Variants in ENOX1 observed in about 807,000 individuals in gnomAD.
ENOX1 encodes ecto-NOX disulfide-thiol exchanger 1.
In ENOX1, 42 loss-of-function variants were observed where a neutral mutation model predicts 82.5. That is an observed-to-expected ratio of 0.51 (90% CI 0.40 to 0.66). The LOEUF is 0.66. Among genes scored for constraint, ENOX1 ranks in the 30% least tolerant of loss-of-function variants. ENOX1 has a pLI of 0.00. For missense variants in ENOX1, 608 were observed against 811.6 expected (o/e 0.75, Z 3.05); for synonymous variants, 271 against 282.2 (o/e 0.96, Z 0.40).
chr13:43,408,326 G>A (rs2053919571), intron 5 of ENOX1, among the ~76,000 whole-genome samples: 1 of 152,200 alleles, frequency 6.6e-6, no homozygotes, highest in Non-Finnish European at 1.5e-5. Context: ...GAAGCAGTGA[G>A]GAAAGGGATT....
intron 16 of ENOX1, among the ~76,000 whole-genome samples, chr13:43,219,592 A>G (rs2041677386): frequency 6.6e-6 from 1 of 152,252 alleles, no homozygotes; most frequent in African/African-American, 2.4e-5. Context: ...AATACAAAAA[A>G]GAAAGAAAGC....
rs577198595 is a variant in ENOX1, at chr13:43,423,354, T to C, written c.-74-10366A>G. Reference sequence around the variant, plus strand: ...TTATTCAAGAAAGCAATATTATCAGTAAACATAAGCCTGGATCCATTAAAG... The same window carrying C: ...TTATTCAAGAAAGCAATATTATCAGCAAACATAAGCCTGGATCCATTAAAG... On this transcript the variant is annotated intron_variant, in intron 3 of 16. Coordinates refer to ENST00000690772, the MANE Select transcript of ENOX1 (RefSeq NM_001347969.2). Among the ~76,000 whole-genome samples, 33 of 152,292 alleles carry C rather than the reference T, an allele frequency of 2.2e-4. No individual in the cohort carries two copies. The South Asian group carries it at 5.2e-3, about 24-fold the overall frequency.
In ENOX1 at chr13:43,589,894, T is replaced by C. The variant is rs530410519; in HGVS notation, c.-219+77585A>G. 1.6e-4 allele frequency among the ~76,000 whole-genome samples: 16 copies of C among 97,038 alleles called. No individual in the cohort carries two copies. In the South Asian group the frequency reaches 4.6e-3, roughly 28 times the overall value. 63.7% of individuals were successfully genotyped at this position (97,038 alleles called of 152,430 possible). A position where few individuals can be genotyped will look rare whatever the true frequency, so the allele number is the denominator to read the frequency against. ...CAATGAAGCACAGGCAAGTCTATTC[T>C]GCAAAAAAAAAAAAAAAAAAAATCC... On this transcript the variant is annotated intron_variant, in intron 2 of 16. Coordinates refer to ENST00000690772, the MANE Select transcript of ENOX1 (RefSeq NM_001347969.2).
At chr13:43,329,959 C>G (rs1283114542) in intron 9 of ENOX1, among the ~76,000 whole-genome samples, 2 of 152,164 alleles carry the variant, frequency 1.3e-5, no homozygotes, top group Non-Finnish European at 2.9e-5. Flanking sequence ...AGGGAAAAAG[C>G]ACCTCTAAGA....
intron 1 of ENOX1, among the ~76,000 whole-genome samples, chr13:43,737,375 A>G (rs1258121476): frequency 6.6e-6 from 1 of 152,180 alleles, no homozygotes; most frequent in Non-Finnish European, 1.5e-5. Context: ...CCTCAAGCAA[A>G]TGTTGCTCTG....
At chr13:43,450,896 AAAC>A (rs2056931082) in intron 3 of ENOX1, among the ~76,000 whole-genome samples, 1 of 152,190 alleles carries the variant, frequency 6.6e-6, no homozygotes, top group African/African-American at 2.4e-5. Context: ...AAATTTTTAA[AAAC>A]AACAACATAA....
intron 2 of ENOX1, among the ~76,000 whole-genome samples, chr13:43,539,651 C>T (rs984716664): frequency 6.6e-6 from 1 of 152,012 alleles, no homozygotes; most frequent in Non-Finnish European, 1.5e-5. Context: ...TGATTTTCTG[C>T]ACTTGTGTAT....
chr13:43,627,200 A>C (rs2083001451), intron 2 of ENOX1, among the ~76,000 whole-genome samples: 1 of 151,972 alleles, frequency 6.6e-6, no homozygotes, highest in Non-Finnish European at 1.5e-5. Flanking sequence ...TGTAGATAGC[A>C]TACAGTTGGT....
intron 2 of ENOX1, among the ~76,000 whole-genome samples, chr13:43,656,515 C>T (rs755054287): frequency 4.0e-4 from 61 of 152,136 alleles, no homozygotes; most frequent in African/African-American, 7.2e-5. Context: ...TACGCTGAGC[C>T]TCTCAGAAGA....
intron 10 of ENOX1, 69 bp downstream of exon 10, chr13:43,326,350 G>A (rs2048114078): frequency 1.9e-5 from 25 of 1,349,780 alleles, no homozygotes; most frequent in Non-Finnish European, 2.4e-5. Context: ...CATCATGGCT[G>A]CAGCCATGCT....
At chr13:43,231,632 C>T (rs2042285881) in intron 15 of ENOX1, among the ~76,000 whole-genome samples, 1 of 152,162 alleles carries the variant, frequency 6.6e-6, no homozygotes, top group African/African-American at 2.4e-5. Flanking sequence ...TTTATCCATC[C>T]AGTGAAAACC....
chr13:43,689,126 C>T (rs374741349), intron 1 of ENOX1, among the ~76,000 whole-genome samples: 5 of 152,016 alleles, frequency 3.3e-5, no homozygotes, highest in East Asian at 1.9e-4. Context: ...TGGAGGGATC[C>T]GAACTTCCAG....
At chr13:43,289,226 T>G (rs2045869300) in intron 12 of ENOX1, among the ~76,000 whole-genome samples, 1 of 152,116 alleles carries the variant, frequency 6.6e-6, no homozygotes, top group East Asian at 1.9e-4. Flanking sequence ...TATTATAAAA[T>G]TCATATGGAA....
chr13:43,638,454 G>GT (rs2083495540), intron 2 of ENOX1, among the ~76,000 whole-genome samples: 1 of 151,814 alleles, frequency 6.6e-6, no homozygotes, highest in South Asian at 2.1e-4. Flanking sequence ...TTCAGAGAAA[G>GT]TTTCCTTAAC....
At chr13:43,557,466 TC>T (rs1388478389) in intron 2 of ENOX1, among the ~76,000 whole-genome samples, 1 of 151,992 alleles carries the variant, frequency 6.6e-6, no homozygotes, top group Non-Finnish European at 1.5e-5. Context: ...AGGGAGGAGC[TC>T]CTGCCTGGGA....
At chr13:43,331,309 G>T (rs768426502) in intron 9 of ENOX1, among the ~76,000 whole-genome samples, 4 of 152,190 alleles carry the variant, frequency 2.6e-5, no homozygotes, top group Admixed American at 6.5e-5. Context: ...CCTTGTTCCA[G>T]CTAAATAGCG....
chr13:43,359,622 T>G, intron 7 of ENOX1: 1 of 542,266 alleles, frequency 1.8e-6, no homozygotes, highest in East Asian at 3.1e-5. Context: ...AATTAGAAAC[T>G]CGATGGAATT....
intron 3 of ENOX1, among the ~76,000 whole-genome samples, chr13:43,478,481 T>C (rs2058381057): frequency 6.6e-6 from 1 of 152,130 alleles, no homozygotes; most frequent in South Asian, 2.1e-4. Flanking sequence ...AAAATCCCCA[T>C]ATTTTAAAAA....
chr13:43,640,895 C>A (rs190096320), intron 2 of ENOX1, among the ~76,000 whole-genome samples: 8 of 106,030 alleles, frequency 7.5e-5, no homozygotes, highest in African/African-American at 2.7e-4. Context: ...CACACACACA[C>A]GTACACACAC....
Sources: gnomAD v4.1 joint callset for allele counts (sites outside exome capture counted in the v4.1 genomes callset) on GRCh38, gnomAD v4.1.1 for gene constraint, MANE v1.5 for transcripts, NCBI Gene and HGNC (gene_info 2026-07-23, HGNC 2026-07-21) for gene names.